NSG1: variants seen among roughly 807,000 people sequenced by gnomAD.
NSG1 encodes neuronal vesicle trafficking-associated protein 1.
In NSG1, 9 loss-of-function variants were observed where a neutral mutation model predicts 19.3. The ratio of observed to expected loss-of-function variants is 0.47; its 90% CI spans 0.28 to 0.81. The LOEUF is 0.81. Ranked by LOEUF, NSG1 falls within the 40% of genes least tolerant of loss-of-function variation. The probability of loss-of-function intolerance (pLI) is 0.11; values close to 1 mark genes in which losing one functional copy is unlikely to be tolerated. For synonymous variants in NSG1, 104 were observed against 107.0 expected, an observed-to-expected ratio of 0.97 and a Z score of 0.17; for missense variants, 236 against 242.4, an observed-to-expected ratio of 0.97 and a Z score of 0.18.
chr4:4,411,933 C>T (rs1233501451), intron 4 of NSG1, among the ~76,000 whole-genome samples: 10 of 151,882 alleles, frequency 6.6e-5, no homozygotes, highest in East Asian at 1.9e-4. Context: ...GTAACATACG[C>T]GTTTATTGTC....
chr4:4,403,646 A>G (rs1236607563), intron 3 of NSG1, among the ~76,000 whole-genome samples: 2 of 152,264 alleles, frequency 1.3e-5, no homozygotes, highest in East Asian at 3.9e-4. Flanking sequence ...CATTTCCGGG[A>G]GTAGGACCTG....
intron 4 of NSG1, among the ~76,000 whole-genome samples, chr4:4,410,045 A>G (rs569788666): frequency 6.6e-6 from 1 of 152,218 alleles, no homozygotes; most frequent in South Asian, 2.1e-4. Flanking sequence ...AGGGAGAGAG[A>G]CGGGACCATG....
At chr4:4,391,415 C>A in intron 2 of NSG1, 60 bp from the exon 3 acceptor site, 2 of 1,142,578 alleles carry the variant, frequency 1.8e-6, no homozygotes, top group South Asian at 1.5e-5. Context: ...CCAGACCCAC[C>A]CTCTTTGGGC....
chr4:4,402,077 T>C (rs557930816), intron 3 of NSG1, among the ~76,000 whole-genome samples: 73 of 138,870 alleles, frequency 5.3e-4, no homozygotes, highest in Middle Eastern at 4.1e-3. Flanking sequence ...TTGGCAGAAA[T>C]GAGTTATCCC....
chr4:4,392,972 G>C (rs886375004), intron 3 of NSG1, among the ~76,000 whole-genome samples: 1 of 152,098 alleles, frequency 6.6e-6, no homozygotes, highest in South Asian at 2.1e-4. Flanking sequence ...ATACTGATCC[G>C]AGGTCAATAC....
At chr4:4,393,233 C>T (rs530431396) in intron 3 of NSG1, among the ~76,000 whole-genome samples, 2 of 152,332 alleles carry the variant, frequency 1.3e-5, no homozygotes, top group South Asian at 2.1e-4. Context: ...CAGAGCAGGG[C>T]GCAGTGCGGC....
chr4:4,387,583 C>A (rs199796312), intron 1 of NSG1, 21 bp from the exon 2 acceptor site: 1 of 1,570,792 alleles, frequency 6.4e-7, no homozygotes, highest in South Asian at 1.2e-5. Flanking sequence ...GTGGTGACTC[C>A]CCCCGGCCCT....
upstream of NSG1, chr4:4,386,605 C>T (rs1002400027): frequency 2.0e-5 from 3 of 153,122 alleles, no homozygotes; most frequent in African/African-American, 7.2e-5. Context: ...CCTCCTGGAC[C>T]CATCCCCCCA....
intron 3 of NSG1, among the ~76,000 whole-genome samples, chr4:4,393,377 A>G (rs1723094228): frequency 6.6e-6 from 1 of 152,176 alleles, no homozygotes. Flanking sequence ...TGCCTAAGGA[A>G]TGGGTGATGC....
intron 3 of NSG1, 36 bp from the exon 4 acceptor site, chr4:4,409,537 T>C: frequency 6.5e-7 from 1 of 1,536,438 alleles, no homozygotes; most frequent in Non-Finnish European, 9.0e-7. Context: ...CCTGCTGCCT[T>C]CCGGCCACCC....
At chr4:4,395,224 C>T (rs1723191892) in intron 3 of NSG1, among the ~76,000 whole-genome samples, 1 of 152,220 alleles carries the variant, frequency 6.6e-6, no homozygotes, top group Non-Finnish European at 1.5e-5. Context: ...CCAGGTGTTT[C>T]TGGAGCCACC....
At chr4:4,410,708 G>A (rs1020393320) in intron 4 of NSG1, among the ~76,000 whole-genome samples, 9 of 152,220 alleles carry the variant, frequency 5.9e-5, no homozygotes, top group Non-Finnish European at 5.9e-5. Flanking sequence ...GTGAGTGAGG[G>A]AGTGGGTGGT....
intron 3 of NSG1, among the ~76,000 whole-genome samples, chr4:4,400,542 T>C (rs1723497879): frequency 6.6e-6 from 1 of 152,246 alleles, no homozygotes; most frequent in African/African-American, 2.4e-5. Context: ...GTTTGGAAAG[T>C]GTTCCCATCC....
At position 4,418,748 on chromosome 4, in the gene NSG1, G is replaced by A. The variant is rs1035003712; in HGVS notation, c.*1313G>A. 1 of 152,624 alleles carries A rather than the reference G, an allele frequency of 6.6e-6. No homozygotes were observed. Among genetic ancestry groups the A allele is most frequent in the African/African-American group, 2.4e-5 (1 of 41,440 alleles). The allele number at this position is 152,624 out of a possible 1,614,324, so 9.5% of individuals were successfully genotyped here. A position where few individuals can be genotyped will look rare whatever the true frequency, so the allele number is the denominator to read the frequency against. On this transcript the variant is annotated 3_prime_UTR_variant, in exon 5 of 5. Coordinates refer to ENST00000621129, the MANE Select transcript of NSG1 (RefSeq NM_014392.5). Reference sequence around the variant, plus strand: ...CAGCGCCACTCTTGTTTCCTGAAATGTGCTTCTAAGACAGAAAATGTATTT... The same window carrying A: ...CAGCGCCACTCTTGTTTCCTGAAATATGCTTCTAAGACAGAAAATGTATTT...
At chr4:4,395,088 A>G (rs527396167) in intron 3 of NSG1, among the ~76,000 whole-genome samples, 1 of 152,322 alleles carries the variant, frequency 6.6e-6, no homozygotes, top group East Asian at 1.9e-4. Flanking sequence ...AACAACTTGC[A>G]TTCTAAGGGC....
intron 3 of NSG1, among the ~76,000 whole-genome samples, chr4:4,392,318 A>C (rs1723036246): frequency 6.6e-6 from 1 of 152,026 alleles, no homozygotes. Flanking sequence ...TTCTTTGGGA[A>C]ACATGAGAGA....
chr4:4,415,287 G>C (rs1278337307), intron 4 of NSG1, among the ~76,000 whole-genome samples: 1 of 152,050 alleles, frequency 6.6e-6, no homozygotes, highest in Non-Finnish European at 1.5e-5. Flanking sequence ...CAGTCCTCCC[G>C]TGCCCCACAA....
upstream of NSG1, chr4:4,386,879 G>C (rs1230804201): frequency 1.3e-5 from 2 of 152,042 alleles, no homozygotes; most frequent in Non-Finnish European, 2.9e-5. Context: ...GGCTCAGGGC[G>C]GGCGCGTGGT....
chr4:4,399,375 T>C (rs1360475050), intron 3 of NSG1, among the ~76,000 whole-genome samples: 3 of 152,190 alleles, frequency 2.0e-5, no homozygotes, highest in African/African-American at 7.2e-5. Flanking sequence ...ACTCCTGGAC[T>C]CAAGCATTCC....
Sources: allele counts gnomAD v4.1 joint callset (sites outside exome capture counted in the v4.1 genomes callset), GRCh38; gene constraint gnomAD v4.1.1; transcripts MANE v1.5; gene names NCBI Gene and HGNC (gene_info 2026-07-23, HGNC 2026-07-21).